The following PCDH9 variants were observed in gnomAD, a reference collection of about 807,000 sequenced individuals.
PCDH9 encodes the protein protocadherin 9.
A neutral mutation model predicts 70.6 loss-of-function variants in PCDH9; 24 were observed. The observed-to-expected ratio is 0.34, with a 90% CI of 0.25 to 0.48. The LOEUF (loss-of-function observed/expected upper bound fraction) is 0.48, where lower values mean the gene tolerates loss of function less well. Among genes scored for constraint, PCDH9 ranks in the 20% least tolerant of loss-of-function variants. PCDH9 has a pLI of 0.99. For synonymous variants in PCDH9, 562 were observed against 558.5 expected (o/e 1.01, Z -0.09); for missense variants, 1,281 against 1,503.6 (o/e 0.85, Z 2.45).
chr13:66,587,278 A>T (rs543098259), intron 4 of PCDH9, among the ~76,000 whole-genome samples: 1 of 152,258 alleles, frequency 6.6e-6, no homozygotes, highest in East Asian at 1.9e-4. Context: ...ACTGTGGGAA[A>T]CAGAGTGAGA....
At chr13:66,656,719 T>C (rs937739218) in intron 3 of PCDH9, among the ~76,000 whole-genome samples, 9 of 152,198 alleles carry the variant, frequency 5.9e-5, no homozygotes, top group Non-Finnish European at 1.2e-4. Context: ...GTGAAAGTGC[T>C]TCATATTCAC....
intron 2 of PCDH9, among the ~76,000 whole-genome samples, chr13:66,938,628 T>C (rs548111549): frequency 4.6e-5 from 7 of 152,324 alleles, no homozygotes; most frequent in African/African-American, 1.7e-4. Context: ...GACATTGATG[T>C]TATCATAGAC....
intron 2 of PCDH9, among the ~76,000 whole-genome samples, chr13:67,160,419 C>A (rs146099872): frequency 2.6e-5 from 4 of 151,932 alleles, no homozygotes; most frequent in African/African-American, 9.7e-5. Flanking sequence ...TGGTGGCGGG[C>A]GCCTGTAGTC....
At chr13:66,969,783 A>G (rs1158741461) in intron 2 of PCDH9, among the ~76,000 whole-genome samples, 1 of 152,006 alleles carries the variant, frequency 6.6e-6, no homozygotes, top group African/African-American at 2.4e-5. Context: ...TGTTTTCTTA[A>G]TATCAGTTAT....
intron 2 of PCDH9, among the ~76,000 whole-genome samples, chr13:67,062,413 T>A (rs1353368372): frequency 6.6e-6 from 1 of 152,128 alleles, no homozygotes; most frequent in Non-Finnish European, 1.5e-5. Flanking sequence ...AAGGGAGAAA[T>A]CTGCAGAGGA....
At chr13:66,997,502 G>A (rs2139812100) in intron 2 of PCDH9, among the ~76,000 whole-genome samples, 1 of 148,380 alleles carries the variant, frequency 6.7e-6, no homozygotes, top group South Asian at 2.2e-4. Flanking sequence ...CAACACTGGA[G>A]GTCTGTTTTG....
At chr13:67,081,370 A>C (rs898162818) in intron 2 of PCDH9, among the ~76,000 whole-genome samples, 1 of 152,146 alleles carries the variant, frequency 6.6e-6, no homozygotes, top group Non-Finnish European at 1.5e-5. Flanking sequence ...AGAGCTCGAG[A>C]CCAGCCTGAC....
chr13:66,700,605 T>A (rs1424148983), intron 3 of PCDH9, among the ~76,000 whole-genome samples: 1 of 152,094 alleles, frequency 6.6e-6, no homozygotes, highest in African/African-American at 2.4e-5. Flanking sequence ...GAAGGCCAGC[T>A]TGAAAATACT....
intron 4 of PCDH9, among the ~76,000 whole-genome samples, chr13:66,342,204 C>A (rs1956139634): frequency 6.6e-6 from 1 of 152,176 alleles, no homozygotes; most frequent in African/African-American, 2.4e-5. Context: ...AAAGTTGAGT[C>A]ATCACTTAAG....
At chr13:66,982,200 C>T (rs2083787327) in intron 2 of PCDH9, among the ~76,000 whole-genome samples, 2 of 152,194 alleles carry the variant, frequency 1.3e-5, no homozygotes, top group African/African-American at 4.8e-5. Context: ...TAAAAGTTAT[C>T]TGAGGTCTCC....
intron 4 of PCDH9, among the ~76,000 whole-genome samples, chr13:66,536,450 C>G (rs1275827614): frequency 6.6e-6 from 1 of 151,926 alleles, no homozygotes; most frequent in Admixed American, 6.6e-5. Context: ...TTGTTGTGTT[C>G]TTATTTTATA....
chr13:66,770,692 A>T (rs1050142827), intron 3 of PCDH9, among the ~76,000 whole-genome samples: 1 of 152,172 alleles, frequency 6.6e-6, no homozygotes, highest in African/African-American at 2.4e-5. Flanking sequence ...TGTCCCTCCA[A>T]CAAAGGCTAT....
chr13:66,590,996 C>A (rs575108486), intron 4 of PCDH9, among the ~76,000 whole-genome samples: 68 of 151,746 alleles, frequency 4.5e-4, no homozygotes, highest in African/African-American at 1.6e-3. Flanking sequence ...TATAGAATTA[C>A]AACAAGACTC....
intron 4 of PCDH9, among the ~76,000 whole-genome samples, chr13:66,525,328 T>G (rs1960165935): frequency 6.6e-6 from 1 of 152,130 alleles, no homozygotes; most frequent in Non-Finnish European, 1.5e-5. Context: ...TTATTCTTTC[T>G]GCTTTCATGT....
intron 3 of PCDH9, among the ~76,000 whole-genome samples, chr13:66,844,560 G>C (rs1169642261): frequency 1.3e-5 from 2 of 151,114 alleles, no homozygotes; most frequent in African/African-American, 2.4e-5. Context: ...ACTCTAGCCA[G>C]GGTGACAGGG....
intron 4 of PCDH9, among the ~76,000 whole-genome samples, chr13:66,478,268 C>G (rs551006827): frequency 1.3e-4 from 20 of 152,264 alleles, no homozygotes; most frequent in Non-Finnish European, 2.4e-4. Context: ...CATTCCCCAG[C>G]CTTTCTTTAT....
At chr13:66,527,974 C>T (rs1252918528) in intron 4 of PCDH9, among the ~76,000 whole-genome samples, 1 of 152,126 alleles carries the variant, frequency 6.6e-6, no homozygotes, top group Non-Finnish European at 1.5e-5. Flanking sequence ...GCTGAGATCA[C>T]ACCACTGCAC....
At chr13:67,218,944 A>G (rs2138109586) in intron 2 of PCDH9, 1 of 152,188 alleles carries the variant, frequency 6.6e-6, no homozygotes, top group East Asian at 1.9e-4. Context: ...AGATCAAGGG[A>G]AAATATTTTC....
intron 4 of PCDH9, among the ~76,000 whole-genome samples, chr13:66,457,726 G>T (rs1958346363): frequency 6.6e-6 from 1 of 151,934 alleles, no homozygotes; most frequent in Non-Finnish European, 1.5e-5. Flanking sequence ...GTTATGTTGG[G>T]TCATTTTTTA....
Sources: gnomAD v4.1 joint callset for allele counts (sites outside exome capture counted in the v4.1 genomes callset) on GRCh38, gnomAD v4.1.1 for gene constraint, MANE v1.5 for transcripts, NCBI Gene and HGNC (gene_info 2026-07-23, HGNC 2026-07-21) for gene names.